The following A2M variants were observed in gnomAD, a reference collection of about 807,000 sequenced individuals.
A2M encodes the protein alpha-2-macroglobulin, also known as C3 and PZP-like alpha-2-macroglobulin domain-containing protein 5.
A2M carries 128 observed loss-of-function variants against 183.9 expected under a neutral mutation model. That is an observed-to-expected ratio of 0.70 (90% CI 0.60 to 0.81). The LOEUF (loss-of-function observed/expected upper bound fraction) is 0.81, where lower values mean the gene tolerates loss of function less well. A2M is among the 30% of genes least tolerant of loss of function. A2M has a pLI of 0.00. For missense variants in A2M, 1,495 were observed against 1,787.6 expected (o/e 0.84, Z 2.95); for synonymous variants, 592 against 670.8 (o/e 0.88, Z 1.81).
rs764276423 is a variant in A2M, at chr12:9,079,787, G to A, written c.2883C>T (p.Asn961=). The A allele has an allele frequency of 6.2e-7, 1 of 1,611,548 alleles. No homozygotes were observed. Among genetic ancestry groups the A allele is most frequent in the South Asian group, 1.1e-5 (1 of 90,424 alleles). ...LGDILGSAMQ[N]TQNLLQMPYG... is the part of the protein sequence containing the mutation. ...AGGGCATCTGGAGAAGATTTTGTGT[G>A]TTTTGCATGGCAGAGCCTAATATGT... Residue 961 remains asparagine (N), a synonymous_variant, in exon 24 of 36, where the codon AAC becomes AAT. Transcript: ENST00000318602.
At chr12:9,074,269 T>C (rs1284673578) in intron 29 of A2M, among the ~76,000 whole-genome samples, 1 of 152,070 alleles carries the variant, frequency 6.6e-6, no homozygotes, top group East Asian at 1.9e-4. Context: ...GCAGGAGACA[T>C]CTCCTTCATT....
intron 29 of A2M, 102 bp downstream of exon 29, chr12:9,074,458 A>C: frequency 2.6e-6 from 3 of 1,140,836 alleles, no homozygotes; most frequent in Non-Finnish European, 3.7e-6. Flanking sequence ...ATTTCAAGTT[A>C]CTGTCATCTG....
intron 21 of A2M, 146 bp from the exon 22 acceptor site, chr12:9,089,397 C>T (rs996685587): frequency 1.5e-5 from 10 of 652,624 alleles, no homozygotes; most frequent in East Asian, 8.3e-5. Context: ...AAGCAATATA[C>T]GTAGGAGGTA....
chr12:9,075,936 A>G (rs1263814571), intron 28 of A2M, among the ~76,000 whole-genome samples: 1 of 152,166 alleles, frequency 6.6e-6, no homozygotes, highest in Admixed American at 6.5e-5. Context: ...AATATTTCTC[A>G]ATACATTTTA....
At chr12:9,077,629 A>T (rs1948785362) in intron 26 of A2M, 72 bp downstream of exon 26, 5 of 1,570,304 alleles carry the variant, frequency 3.2e-6, no homozygotes, top group Non-Finnish European at 4.3e-6. Context: ...AATTTTTCAC[A>T]TTATCACTTC....
At chr12:9,077,482 T>C in intron 26 of A2M, 62 bp from the exon 27 acceptor site, 10 of 1,521,000 alleles carry the variant, frequency 6.6e-6, no homozygotes, top group Non-Finnish European at 9.0e-6. Flanking sequence ...GATTAGTTCT[T>C]TCTATTCTGC....
chr12:9,070,660 A>G, intron 31 of A2M, 82 bp from the exon 32 acceptor site: 1 of 927,494 alleles, frequency 1.1e-6, no homozygotes. Flanking sequence ...TAAGCATTCC[A>G]CAGCTCTAAA....
At chr12:9,079,992 A>G (rs1198363258) in intron 23 of A2M, 102 bp downstream of exon 23, 3 of 938,302 alleles carry the variant, frequency 3.2e-6, no homozygotes, top group Non-Finnish European at 4.6e-6. Flanking sequence ...GAGAAGAAAG[A>G]AGTTAAAATT....
rs1937815030 is a variant in A2M, at chr12:9,101,213, A to G, written c.1495-6T>C. The G allele has an allele frequency of 6.4e-7, 1 of 1,555,916 alleles. No individual in the cohort carries two copies. Among genetic ancestry groups the G allele is most frequent in the Non-Finnish European group, 8.7e-7 (1 of 1,149,108 alleles). On this transcript the variant is annotated splice_polypyrimidine_tract_variant and splice_region_variant and intron_variant, in intron 12 of 35. Coordinates refer to ENST00000318602, the MANE Select transcript of A2M (RefSeq NM_000014.6). ...ATGCCTCCCTTTGCCATTATCTGCA[A>G]AAAAGGAAATAAAAAGAAATTAAAT...
At chr12:9,086,599 T>C (rs963222052) in intron 22 of A2M, among the ~76,000 whole-genome samples, 1 of 152,232 alleles carries the variant, frequency 6.6e-6, no homozygotes, top group African/African-American at 2.4e-5. Context: ...TGCTCTTTTA[T>C]GATAAAACTC....
chr12:9,077,816 G>T lies in A2M; in HGVS notation c.3161C>A (p.Ala1054Asp), dbSNP rs376352242. Reference sequence around the variant, plus strand: ...GTGTGCTTCATCGATGAAGATGTAGGCTCGAGCTTGGGCAAAAGTCTTCAG... The same window carrying T: ...GTGTGCTTCATCGATGAAGATGTAGTCTCGAGCTTGGGCAAAAGTCTTCAG... ...FVLKTFAQAR[A>D]YIFIDEAHIT... Residue 1054 changes from alanine to aspartate, a missense_variant, in exon 26 of 36, where the codon GCC (alanine) becomes GAC (aspartate). Coordinates refer to ENST00000318602, the MANE Select transcript of A2M (RefSeq NM_000014.6). The T allele has an allele frequency of 5.6e-6, 9 of 1,614,032 alleles. No homozygotes were observed. The highest frequency in any genetic ancestry group is 1.3e-5 in the African/African-American group (1 of 74,916).
intron 13 of A2M, among the ~76,000 whole-genome samples, 197 bp downstream of exon 13, chr12:9,100,947 A>G (rs1471570276): frequency 6.6e-6 from 1 of 152,168 alleles, no homozygotes; most frequent in East Asian, 1.9e-4. Flanking sequence ...AATTGGGTAC[A>G]ATGTATACTG....
Position 9,106,275 on chromosome 12 carries a change from C to T in A2M, c.1065G>A (p.Val355=). The T allele has an allele frequency of 6.2e-7, 1 of 1,613,438 alleles. No individual in the cohort carries two copies. ...GAATTCCCTGTCGAAAGTGTGAGTCCACTTTCACAAATGAGAGTTTGGTTA... is the reference window on the plus strand; with the variant it reads ...GAATTCCCTGTCGAAAGTGTGAGTCTACTTTCACAAATGAGAGTTTGGTTA... The part of the protein sequence containing the change: ...RTITKLSFVK[V]DSHFRQGIPF... Residue 355 remains valine (V), a synonymous_variant, in exon 10 of 36, where the codon GTG becomes GTA. Transcript: ENST00000318602.
intron 22 of A2M, among the ~76,000 whole-genome samples, chr12:9,084,814 C>G (rs1949007551): frequency 6.6e-6 from 1 of 151,912 alleles, no homozygotes; most frequent in Non-Finnish European, 1.5e-5. Context: ...CACACATAGA[C>G]TGAAAGTGAA....
chr12:9,078,490 G>A (rs748526682), intron 25 of A2M, among the ~76,000 whole-genome samples: 48 of 152,068 alleles, frequency 3.2e-4, no homozygotes, highest in Non-Finnish European at 5.0e-4. Flanking sequence ...AAATAGTGCC[G>A]CGATAAACAT....
Position 9,079,690 on chromosome 12 carries a change from G to A in A2M, c.2980C>T (p.Gln994Ter), listed in dbSNP as rs954614393. 4 of 1,613,774 alleles carry A rather than the reference G, an allele frequency of 2.5e-6. No individual in the cohort carries two copies. The Admixed American group carries it at 6.7e-5, about 27-fold the overall frequency. Residue 994 changes from glutamine (Q) to a stop codon, truncating the protein, a stop_gained, in exon 24 of 36, where the codon CAG becomes TAG. Coordinates refer to ENST00000318602, the MANE Select transcript of A2M (RefSeq NM_000014.6). LOFTEE classifies it high-confidence loss of function. Reference sequence around the variant, plus strand: ...GACTTGATCTCTGGAGTAAGCTGCTGTGTTTCATTTAGATAATCCAGTACA... The same window carrying A: ...GACTTGATCTCTGGAGTAAGCTGCTATGTTTCATTTAGATAATCCAGTACA... ...IYVLDYLNET[Q>*]QLTPEIKSKA...
Position 9,098,622 on chromosome 12 carries a change from C to T in A2M, c.1836G>A (p.Glu612=), listed in dbSNP as rs1949458157. 6.2e-7 allele frequency: 1 copy of T among 1,605,240 alleles called. No individual in the cohort carries two copies. Among genetic ancestry groups the T allele is most frequent in the Non-Finnish European group, 8.5e-7 (1 of 1,176,146 alleles). Residue 612 remains glutamate, a synonymous_variant, in exon 15 of 36, where the codon GAG becomes GAA. Coordinates refer to ENST00000318602, the MANE Select transcript of A2M (RefSeq NM_000014.6). ...QSVLLMKPDA[E]LSASSVYNLL... ...AGGAACTCACCGAGGACGCCGAGAG[C>T]TCAGCATCAGGCTTCATGAGCAGCA...
chr12:9,106,663 G>C, intron 8 of A2M, 58 bp from the exon 9 acceptor site: 1 of 861,494 alleles, frequency 1.2e-6, no homozygotes, highest in African/African-American at 1.7e-5. Flanking sequence ...AAATAGATCA[G>C]TGGTCAGATA....
At chr12:9,086,472 C>T (rs1031484262) in intron 22 of A2M, among the ~76,000 whole-genome samples, 1 of 152,102 alleles carries the variant, frequency 6.6e-6, no homozygotes, top group African/African-American at 2.4e-5. Flanking sequence ...CCCTGAGATG[C>T]AAAAATTGTT....
Sources: gnomAD v4.1 joint callset for allele counts (sites outside exome capture counted in the v4.1 genomes callset) on GRCh38, gnomAD v4.1.1 for gene constraint, MANE v1.5 for transcripts, NCBI Gene and HGNC (gene_info 2026-07-23, HGNC 2026-07-21) for gene names.